Variants in DDX10 observed in about 807,000 individuals in gnomAD.
The protein encoded by DDX10 is probable ATP-dependent RNA helicase DDX10.
A neutral mutation model predicts 104.3 loss-of-function variants in DDX10; 74 were observed. The observed-to-expected ratio is 0.71, with a 90% CI of 0.59 to 0.86. The LOEUF is 0.86. Among genes scored for constraint, DDX10 ranks in the 40% least tolerant of loss-of-function variants. DDX10 has a pLI of 0.00. For synonymous variants in DDX10, 351 were observed against 353.4 expected (o/e 0.99, Z 0.08); for missense variants, 952 against 1,040.0 (o/e 0.92, Z 1.16).
At chr11:108,919,346 A>G (rs964655413) in intron 17 of DDX10, 1 of 152,232 alleles carries the variant, frequency 6.6e-6, no homozygotes, top group Admixed American at 6.5e-5. Context: ...TTTGTGCCAT[A>G]AGGATTAAAT....
intron 13 of DDX10, among the ~76,000 whole-genome samples, chr11:108,768,425 T>C (rs1179861732): frequency 6.6e-6 from 1 of 152,250 alleles, no homozygotes; most frequent in South Asian, 2.1e-4. Flanking sequence ...TGTTGTGTCA[T>C]GTCAAGTGGA....
chr11:108,693,730 G>A (rs1243613351), intron 9 of DDX10, 130 bp downstream of exon 9: 1 of 712,428 alleles, frequency 1.4e-6, no homozygotes, highest in Non-Finnish European at 2.5e-6. Flanking sequence ...GGTGTGAGTT[G>A]ACAGCTACTG....
At chr11:108,685,273 C>T (rs1053357976) in intron 6 of DDX10, among the ~76,000 whole-genome samples, 2 of 151,288 alleles carry the variant, frequency 1.3e-5, no homozygotes. Flanking sequence ...GCGCAATATT[C>T]GGGTGGGAGT....
At chr11:108,746,787 C>G (rs1323578771) in intron 13 of DDX10, among the ~76,000 whole-genome samples, 1 of 152,024 alleles carries the variant, frequency 6.6e-6, no homozygotes, top group Non-Finnish European at 1.5e-5. Context: ...TCTGATTTGC[C>G]TTTCCCTGAT....
rs1275876784 is a variant in DDX10 at position 108,675,569 on chromosome 11, G to A, written c.248-27G>A. ...TACCATCCTACAGGGATCTTCTAAA[G>A]TATAATTCTTCCCTCCATGTTGCCA... On this transcript the variant is annotated intron_variant, in intron 2 of 17. Coordinates refer to ENST00000322536, the MANE Select transcript of DDX10 (RefSeq NM_004398.4). 4 of 1,610,274 alleles carry A rather than the reference G, an allele frequency of 2.5e-6. No homozygotes were observed. The East Asian group carries it at 8.9e-5, about 36-fold the overall frequency.
rs1001079771 is a variant in DDX10 at position 108,674,811 on chromosome 11, G to T, written c.248-785G>T. Among the ~76,000 whole-genome samples the T allele has an allele frequency of 4.6e-5, 7 of 152,186 alleles. No homozygotes were observed. The East Asian group carries it at 1.3e-3, about 29-fold the overall frequency. ...TTATAGGCGTGAGCCACCACGCCTGGCCTACAATAGATCTCTTGAAGTTCT... is the reference window on the plus strand; with the variant it reads ...TTATAGGCGTGAGCCACCACGCCTGTCCTACAATAGATCTCTTGAAGTTCT... On this transcript the variant is annotated intron_variant, in intron 2 of 17. Coordinates refer to ENST00000322536, the MANE Select transcript of DDX10 (RefSeq NM_004398.4).
chr11:108,742,681 A>C (rs1300787318), intron 13 of DDX10, among the ~76,000 whole-genome samples: 1 of 152,222 alleles, frequency 6.6e-6, no homozygotes, highest in Non-Finnish European at 1.5e-5. Flanking sequence ...GAGAAGATAC[A>C]AATAAACACA....
At chr11:108,737,474 A>G (rs989661530) in intron 13 of DDX10, among the ~76,000 whole-genome samples, 2 of 152,188 alleles carry the variant, frequency 1.3e-5, no homozygotes, top group African/African-American at 4.8e-5. Flanking sequence ...ATGATTGAAA[A>G]CAGTGATGTT....
intron 15 of DDX10, among the ~76,000 whole-genome samples, chr11:108,849,826 T>C (rs1177283539): frequency 6.6e-6 from 1 of 152,164 alleles, no homozygotes; most frequent in Non-Finnish European, 1.5e-5. Context: ...TAAGATTCAC[T>C]TATACTTTTC....
At chr11:108,714,261 A>G (rs1480579010) in intron 10 of DDX10, among the ~76,000 whole-genome samples, 2 of 152,080 alleles carry the variant, frequency 1.3e-5, no homozygotes, top group African/African-American at 2.4e-5. Context: ...GGTTTTATCA[A>G]TTACAGTTGA....
chr11:108,890,248 ATTC>A (rs1165813126), intron 16 of DDX10, among the ~76,000 whole-genome samples: 2 of 152,204 alleles, frequency 1.3e-5, no homozygotes, highest in Non-Finnish European at 2.9e-5. Flanking sequence ...TGGAACCCAC[ATTC>A]TGTGCCTATA....
At chr11:108,934,181 A>C (rs773365057) in intron 17 of DDX10, among the ~76,000 whole-genome samples, 3 of 152,220 alleles carry the variant, frequency 2.0e-5, no homozygotes, top group Non-Finnish European at 1.5e-5. Context: ...TGGTTGTAGA[A>C]GCCCTAGAAA....
intron 11 of DDX10, among the ~76,000 whole-genome samples, chr11:108,719,541 T>C (rs2094295679): frequency 6.6e-6 from 1 of 152,220 alleles, no homozygotes; most frequent in African/African-American, 2.4e-5. Flanking sequence ...AATGGAATTA[T>C]ACTGACTTTT....
chr11:108,880,026 A>G (rs984425303), intron 16 of DDX10, among the ~76,000 whole-genome samples: 5 of 152,224 alleles, frequency 3.3e-5, no homozygotes, highest in African/African-American at 4.8e-5. Context: ...CCATTTGACA[A>G]AATACTTTCT....
In DDX10 at chr11:108,773,921, A is replaced by G. The variant is rs181072776; in HGVS notation, c.1965+50459A>G. Among the ~76,000 whole-genome samples the G allele has an allele frequency of 1.6e-4, 25 of 152,312 alleles. 1 individual carries two copies. In the East Asian group the frequency reaches 4.6e-3, roughly 28 times the overall value. On this transcript the variant is annotated intron_variant, in intron 13 of 17. Coordinates refer to ENST00000322536, the MANE Select transcript of DDX10 (RefSeq NM_004398.4). ...GCATAAAAGAAGATGTCTTGCTTGT[A>G]TTAGATGAGATAGGAAGTACTGGTT...
intron 16 of DDX10, among the ~76,000 whole-genome samples, chr11:108,911,869 C>T (rs1164938408): frequency 6.6e-6 from 1 of 152,128 alleles, no homozygotes; most frequent in Non-Finnish European, 1.5e-5. Context: ...TAGGTTTCAA[C>T]ACATGAATTT....
chr11:108,714,236 ATTGAGGCTCCAGCAGGT>A (rs1284800397), intron 10 of DDX10, among the ~76,000 whole-genome samples: 3 of 152,114 alleles, frequency 2.0e-5, no homozygotes, highest in Non-Finnish European at 4.4e-5. Context: ...ACTTGTCCAC[ATTGAGGCTCCAGCAGGT>A]TTTATCAATT....
At chr11:108,778,634 G>A (rs1239978053) in intron 13 of DDX10, among the ~76,000 whole-genome samples, 1 of 152,186 alleles carries the variant, frequency 6.6e-6, no homozygotes, top group Non-Finnish European at 1.5e-5. Context: ...ATAGGCATGG[G>A]CAAGGACTTC....
chr11:108,936,991 A>G (rs1466396016), intron 17 of DDX10, among the ~76,000 whole-genome samples: 2 of 152,188 alleles, frequency 1.3e-5, no homozygotes, highest in Admixed American at 1.3e-4. Context: ...GGAAATAGCA[A>G]TCTTAGGTGC....
Sources: allele counts gnomAD v4.1 joint callset (sites outside exome capture counted in the v4.1 genomes callset), GRCh38; gene constraint gnomAD v4.1.1; transcripts MANE v1.5; gene names NCBI Gene and HGNC (gene_info 2026-07-23, HGNC 2026-07-21).